The following CLCN6 variants were observed in gnomAD, a reference collection of about 807,000 sequenced individuals.
The protein encoded by CLCN6 is H(+)/Cl(-) exchange transporter 6.
In CLCN6, 70 loss-of-function variants were observed where a neutral mutation model predicts 109.8. The ratio of observed to expected loss-of-function variants is 0.64; its 90% CI spans 0.53 to 0.78. The LOEUF is 0.78. CLCN6 is among the 30% of genes least tolerant of loss of function. The pLI is 0.00. For missense variants in CLCN6, 984 were observed against 1,142.3 expected, an observed-to-expected ratio of 0.86 and a Z score of 2.00; for synonymous variants, 444 against 447.8, an observed-to-expected ratio of 0.99 and a Z score of 0.11.
intron 2 of CLCN6, among the ~76,000 whole-genome samples, chr1:11,808,616 A>G (rs1644555436): frequency 6.6e-6 from 1 of 151,656 alleles, no homozygotes; most frequent in South Asian, 2.1e-4. Context: ...TTAGGTTCCA[A>G]AAGTCCTTTT....
At chr1:11,810,452 C>G (rs1254933073) in intron 2 of CLCN6, among the ~76,000 whole-genome samples, 3 of 152,170 alleles carry the variant, frequency 2.0e-5, no homozygotes, top group Non-Finnish European at 4.4e-5. Flanking sequence ...AGCAGCACCC[C>G]TAGCTCACAA....
intron 5 of CLCN6, among the ~76,000 whole-genome samples, chr1:11,822,087 T>G (rs909512605): frequency 3.3e-5 from 5 of 152,160 alleles, no homozygotes; most frequent in African/African-American, 1.2e-4. Context: ...TGTTTTTTTT[T>G]TTGTTTTGTT....
chr1:11,818,842 A>G (rs527889324), intron 4 of CLCN6, among the ~76,000 whole-genome samples: 1 of 152,336 alleles, frequency 6.6e-6, no homozygotes, highest in East Asian at 1.9e-4. Context: ...AGGCTGAGGC[A>G]GGAGGATCTC....
intron 13 of CLCN6, among the ~76,000 whole-genome samples, chr1:11,832,507 C>T (rs1229616773): frequency 6.6e-6 from 1 of 152,264 alleles, no homozygotes; most frequent in East Asian, 1.9e-4. Flanking sequence ...TGAGGCTCTG[C>T]ACATGGCTCA....
chr1:11,826,163 G>A lies in CLCN6; in HGVS notation c.656G>A (p.Ser219Asn), dbSNP rs755598152. ...TCTTTTCTCTTGCTTTAGTTTCAGA[G>A]CATCTCCTTACGGAAGATCCAGTTT... ...VVGAGLPQFQ[S>N]ISLRKIQFNF... The change falls in exon 9 of 23, where the codon AGC (serine) becomes AAC (asparagine). Residue 219 changes from serine to asparagine, a missense_variant. Transcript: ENST00000346436. The A allele has an allele frequency of 8.1e-6, 13 of 1,613,244 alleles. No individual in the cohort carries two copies. Among genetic ancestry groups the A allele is most frequent in the Non-Finnish European group, 8.5e-6 (10 of 1,179,374 alleles).
At position 11,840,008 on chromosome 1, in the gene CLCN6, A is replaced by G. The variant is rs144887339; in HGVS notation, c.2530-135A>G. The G allele has an allele frequency of 1.8e-4, 137 of 750,180 alleles. No homozygotes were observed. The African/African-American group carries it at 2.1e-3, about 12-fold the overall frequency. 46.5% of individuals were successfully genotyped at this position (750,180 alleles called of 1,614,324 possible). ...TGAGCCCTCGTTAGCTGTTTATCCCAATCAAGCTGTGTCTGGCTGTGCACT... is the reference window on the plus strand; with the variant it reads ...TGAGCCCTCGTTAGCTGTTTATCCCGATCAAGCTGTGTCTGGCTGTGCACT... On this transcript the variant is annotated intron_variant, in intron 22 of 22. Transcript: ENST00000346436.
intron 13 of CLCN6, among the ~76,000 whole-genome samples, chr1:11,832,163 T>G (rs1211848192): frequency 6.6e-6 from 1 of 152,226 alleles, no homozygotes; most frequent in Non-Finnish European, 1.5e-5. Flanking sequence ...CAGTATGGTC[T>G]TGACCAAAAA....
At chr1:11,821,074 C>T (rs767264562) in intron 5 of CLCN6, among the ~76,000 whole-genome samples, 2 of 99,796 alleles carry the variant, frequency 2.0e-5, no homozygotes, top group Non-Finnish European at 4.1e-5. Flanking sequence ...AAAACTGTCT[C>T]AAAAAACAAC....
rs1331121687 is a variant in CLCN6, at chr1:11,837,378, C to G, written c.2174C>G (p.Ser725Cys). ...TPYPNLYPDQ[S>C]PSEDWTMEER... is the part of the protein sequence containing the mutation. ...TACCCCAACCTATACCCTGACCAGT[C>G]CCCAAGTGAAGACTGGACCATGGAG... The change falls in exon 20 of 23, where the codon TCC becomes TGC. Residue 725 changes from serine to cysteine, a missense_variant. Physicochemically the swap from Ser to Cys is moderately radical, Grantham distance 112. Coordinates refer to ENST00000346436, the MANE Select transcript of CLCN6 (RefSeq NM_001286.5). 6.2e-7 allele frequency: 1 copy of G among 1,613,858 alleles called. No individual in the cohort carries two copies. The highest frequency in any genetic ancestry group is 8.5e-7 in the Non-Finnish European group (1 of 1,179,846).
At chr1:11,811,624 C>T (rs573710494) in intron 2 of CLCN6, among the ~76,000 whole-genome samples, 1 of 152,264 alleles carries the variant, frequency 6.6e-6, no homozygotes, top group South Asian at 2.1e-4. Context: ...TCGGGTGATC[C>T]GCCCGCCTTG....
chr1:11,838,214 T>C (rs1384244845), intron 20 of CLCN6, 121 bp from the exon 21 acceptor site: 2 of 873,304 alleles, frequency 2.3e-6, no homozygotes, highest in African/African-American at 3.4e-5. Flanking sequence ...TTGCTGCTGC[T>C]GCACCACCTG....
chr1:11,834,653 T>C lies in CLCN6; in HGVS notation c.1793+63T>C. On this transcript the variant is annotated intron_variant, in intron 17 of 22. Transcript: ENST00000346436. The surrounding 1 kb of genome is among the most constrained non-coding windows in gnomAD (Gnocchi z 4.5). ...TGTATAAGCTCTGAGGCCTAAGGAA[T>C]GTTGTTATTAGGGTAGGAAACAGTA... 7.4e-7 allele frequency: 1 copy of C among 1,350,876 alleles called. No individual in the cohort carries two copies. The highest frequency in any genetic ancestry group is 1.2e-5 in the South Asian group (1 of 83,376). 83.7% of individuals were successfully genotyped at this position (1,350,876 alleles called of 1,614,324 possible).
At chr1:11,823,639 G>C (rs1644774074) in intron 6 of CLCN6, 68 bp from the exon 7 acceptor site, 12 of 1,609,294 alleles carry the variant, frequency 7.5e-6, no homozygotes, top group Non-Finnish European at 9.3e-6. Context: ...CCGCCGCCCA[G>C]ATTGTTGAGG....
chr1:11,832,722 A>G (rs78054341), intron 13 of CLCN6, among the ~76,000 whole-genome samples: 6,311 of 152,298 alleles, frequency 0.041, 163 homozygotes, highest in Middle Eastern at 0.082. Flanking sequence ...AAGACTCCCT[A>G]TTTGCATGCA....
At chr1:11,806,671 C>CT (rs1057003828) in intron 1 of CLCN6, 1 of 387,938 alleles carries the variant, frequency 2.6e-6, no homozygotes, top group Non-Finnish European at 4.6e-6. Context: ...GGACTTTGTG[C>CT]TTATCATGCT....
chr1:11,827,078 C>T lies in CLCN6; in HGVS notation c.708-11C>T, dbSNP rs773965443. On this transcript the variant is annotated splice_polypyrimidine_tract_variant and intron_variant, in intron 9 of 22. Transcript: ENST00000346436. Reference sequence around the variant, plus strand: ...TCTTTATTGGATAACCCGTCTCTCTCCTCTCCTCAGAGACAAGAGAGACTT... The same window carrying T: ...TCTTTATTGGATAACCCGTCTCTCTTCTCTCCTCAGAGACAAGAGAGACTT... The T allele has an allele frequency of 6.2e-7, 1 of 1,613,334 alleles. No homozygotes were observed.
chr1:11,818,804 G>A (rs1224145304), intron 4 of CLCN6, among the ~76,000 whole-genome samples: 1 of 152,136 alleles, frequency 6.6e-6, no homozygotes, highest in Non-Finnish European at 1.5e-5. Context: ...GGCACAGTGG[G>A]GTGTGCCTGT....
chr1:11,818,922 A>G (rs181138619), intron 4 of CLCN6, among the ~76,000 whole-genome samples: 51 of 152,358 alleles, frequency 3.3e-4, no homozygotes, highest in Non-Finnish European at 2.9e-5. Context: ...GATGATTTCA[A>G]GTCAAAATAA....
At chr1:11,836,270 G>A in intron 18 of CLCN6, 117 bp downstream of exon 18, 6 of 905,276 alleles carry the variant, frequency 6.6e-6, no homozygotes, top group Non-Finnish European at 1.0e-5. Context: ...AGGGGAAGTT[G>A]GCACTGTTCT....
Sources: allele counts gnomAD v4.1 joint callset (sites outside exome capture counted in the v4.1 genomes callset), GRCh38; gene constraint gnomAD v4.1.1; non-coding constraint Gnocchi (gnomAD v3.1); transcripts MANE v1.5; gene names NCBI Gene and HGNC (gene_info 2026-07-23, HGNC 2026-07-21).